The following SNAPC3 variants were observed in gnomAD, a reference collection of about 807,000 sequenced individuals.
The protein encoded by SNAPC3 is snRNA-activating protein complex subunit 3.
SNAPC3 carries 56 observed loss-of-function variants against 47.7 expected under a neutral mutation model. The observed-to-expected ratio is 1.18, with a 90% CI of 0.95 to 1.47. The LOEUF (loss-of-function observed/expected upper bound fraction) is 1.47, where lower values mean the gene tolerates loss of function less well. Ranked by LOEUF, SNAPC3 falls within the 40% of genes most tolerant of loss-of-function variation. SNAPC3 has a pLI of 0.00. For synonymous variants in SNAPC3, 235 were observed against 189.9 expected, an observed-to-expected ratio of 1.24 and a Z score of -1.95; for missense variants, 665 against 511.3, an observed-to-expected ratio of 1.30 and a Z score of -2.90.
chr9:15,434,701 C>G (rs1241345288), intron 3 of SNAPC3, among the ~76,000 whole-genome samples: 9 of 152,124 alleles, frequency 5.9e-5, no homozygotes, highest in Non-Finnish European at 1.3e-4. Context: ...CCACAGCACC[C>G]AGCCTATGGC....
At chr9:15,432,935 GA>G (rs1284175381) in intron 2 of SNAPC3, among the ~76,000 whole-genome samples, 4 of 152,144 alleles carry the variant, frequency 2.6e-5, no homozygotes, top group Non-Finnish European at 5.9e-5. Flanking sequence ...CAAGTTCATA[GA>G]AAATAAGGTG....
In SNAPC3 at chr9:15,423,210, G is replaced by T; in HGVS notation, c.314+17G>T. On this transcript the variant is annotated intron_variant, in intron 1 of 8. Coordinates refer to ENST00000380821, the MANE Select transcript of SNAPC3 (RefSeq NM_001039697.2). ...GGTGTGCGGGTGAGTGCGGAGCAAA[G>T]GGGCTCTTGCAGCTTGGGGTCAAAC... 6.4e-7 allele frequency: 1 copy of T among 1,564,712 alleles called. No individual in the cohort carries two copies. Among genetic ancestry groups the T allele is most frequent in the Non-Finnish European group, 8.6e-7 (1 of 1,165,666 alleles).
chr9:15,463,210 T>G (rs1296527006), downstream of SNAPC3: 1 of 133,872 alleles, frequency 7.5e-6, no homozygotes, highest in Admixed American at 9.0e-5. Context: ...GGTCATGGTA[T>G]GACTCTTTTT....
At position 15,455,079 on chromosome 9, in the gene SNAPC3, G is replaced by T. The variant is rs775312446; in HGVS notation, c.980+1874G>T. On this transcript the variant is annotated intron_variant, in intron 7 of 8. Transcript: ENST00000380821. ...GTAATTCGTCCTGAATTAAATATCT[G>T]TTTAACCAAAATTATGGTAGTTCTG... Among the ~76,000 whole-genome samples the T allele has an allele frequency of 2.6e-5, 4 of 152,194 alleles. No homozygotes were observed. The East Asian group carries it at 7.7e-4, about 29-fold the overall frequency.
chr9:15,458,280 G>A (rs1276096204), intron 8 of SNAPC3, among the ~76,000 whole-genome samples: 2 of 152,054 alleles, frequency 1.3e-5, no homozygotes, highest in African/African-American at 4.8e-5. Context: ...TCCAGGGATA[G>A]GTCAAATTTC....
At chr9:15,441,972 A>G (rs1483422306) in intron 3 of SNAPC3, among the ~76,000 whole-genome samples, 3 of 151,846 alleles carry the variant, frequency 2.0e-5, no homozygotes, top group East Asian at 2.0e-4. Flanking sequence ...AGGGGCGGCC[A>G]GGCAGAGGCG....
intron 7 of SNAPC3, 73 bp downstream of exon 7, chr9:15,453,278 T>C: frequency 1.6e-6 from 2 of 1,247,516 alleles, no homozygotes; most frequent in South Asian, 3.1e-5. Context: ...CAGAGATAGT[T>C]TTTTTAAAAA....
rs2034922410 is a variant in SNAPC3 at position 15,457,959 on chromosome 9, G to A, written c.981-1G>A. On this transcript the variant is annotated splice_acceptor_variant, in intron 7 of 8. Transcript: ENST00000380821. LOFTEE classifies it high-confidence loss of function. ...TATCTTTATTTTCCCACGAACAAAAGGCTTGTGCATCATGATGACTGCTTG... is the reference window on the plus strand; with the variant it reads ...TATCTTTATTTTCCCACGAACAAAAAGCTTGTGCATCATGATGACTGCTTG... 1 of 1,561,050 alleles carries A rather than the reference G, an allele frequency of 6.4e-7. No individual in the cohort carries two copies. Among genetic ancestry groups the A allele is most frequent in the Non-Finnish European group, 8.7e-7 (1 of 1,151,966 alleles).
rs1346599395 is a variant in SNAPC3 at position 15,453,047 on chromosome 9, CATT to C, written c.823_825del (p.Ile275del). 4.3e-6 allele frequency: 7 copies of C among 1,611,962 alleles called. No individual in the cohort carries two copies. Among genetic ancestry groups the C allele is most frequent in the Admixed American group, 1.7e-5 (1 of 59,722 alleles). On this transcript the variant is annotated inframe_deletion, in exon 7 of 9. Coordinates refer to ENST00000380821, the MANE Select transcript of SNAPC3 (RefSeq NM_001039697.2). ...TTGCCTTTTCCCCCCTCAGAACTAT[CATT>C]GAGTGGTCAGAGTCCCATGATAGAG...
downstream of SNAPC3, chr9:15,463,519 G>C (rs2096053324): frequency 7.6e-6 from 1 of 131,254 alleles, no homozygotes; most frequent in Non-Finnish European, 1.7e-5. Flanking sequence ...GGGGTGGGGT[G>C]GGGTGGGGGT....
intron 3 of SNAPC3, among the ~76,000 whole-genome samples, chr9:15,437,586 A>G (rs912245885): frequency 1.4e-4 from 21 of 149,698 alleles, no homozygotes; most frequent in African/African-American, 3.9e-4. Flanking sequence ...GATTTTGTCA[A>G]ATGCTTTTCT....
At chr9:15,425,251 C>T (rs1681175508) in intron 2 of SNAPC3, among the ~76,000 whole-genome samples, 1 of 152,178 alleles carries the variant, frequency 6.6e-6, no homozygotes, top group Admixed American at 6.5e-5. Flanking sequence ...TGCAGTCTCA[C>T]TCTGTTGCCC....
At chr9:15,457,092 T>G (rs2034854089) in intron 7 of SNAPC3, among the ~76,000 whole-genome samples, 2 of 152,152 alleles carry the variant, frequency 1.3e-5, no homozygotes, top group African/African-American at 4.8e-5. Flanking sequence ...TGACTTCCAT[T>G]TCTTTTTTAA....
intron 2 of SNAPC3, among the ~76,000 whole-genome samples, chr9:15,432,950 T>G (rs1309194750): frequency 6.6e-6 from 1 of 152,206 alleles, no homozygotes; most frequent in East Asian, 1.9e-4. Context: ...TAAGGTGTCT[T>G]TCTGGTGCAG....
rs1436494146 is a variant in SNAPC3, at chr9:15,453,128, G to C, written c.903G>C (p.Leu301Phe). The C allele has an allele frequency of 4.3e-6, 7 of 1,612,810 alleles. No homozygotes were observed. Among genetic ancestry groups the C allele is most frequent in the Non-Finnish European group, 5.9e-6 (7 of 1,178,862 alleles). Reference protein sequence around the residue: ...ARMEDFTFNDLCIKLGFPYLY... With the variant: ...ARMEDFTFNDFCIKLGFPYLY... Reference sequence around the variant, plus strand: ...TGGAAGATTTCACCTTCAATGACTTGTGTATTAAACTGGGTTTTCCTTACT... The same window carrying C: ...TGGAAGATTTCACCTTCAATGACTTCTGTATTAAACTGGGTTTTCCTTACT... Residue 301 changes from leucine to phenylalanine, a missense_variant, in exon 7 of 9, where the codon TTG becomes TTC. By Grantham distance (22) the Leu-to-Phe change is conservative (BLOSUM62 0). Coordinates refer to ENST00000380821, the MANE Select transcript of SNAPC3 (RefSeq NM_001039697.2).
intron 3 of SNAPC3, among the ~76,000 whole-genome samples, chr9:15,435,534 C>T (rs1261579934): frequency 6.6e-6 from 1 of 151,880 alleles, no homozygotes; most frequent in East Asian, 1.9e-4. Flanking sequence ...TATCATGCCA[C>T]TGCACTCCAG....
chr9:15,465,628 A>C, downstream of SNAPC3: 1 of 1,439,672 alleles, frequency 6.9e-7, no homozygotes, highest in Non-Finnish European at 9.6e-7. Flanking sequence ...TTTTCTCCTG[A>C]TGAAGGAAAA....
chr9:15,431,827 T>A (rs537858725), intron 2 of SNAPC3: 1 of 149,650 alleles, frequency 6.7e-6, no homozygotes. Flanking sequence ...GGATGTGTAA[T>A]ATAACACCAC....
chr9:15,460,133 G>C lies in SNAPC3; in HGVS notation c.*267G>C. 4.1e-6 allele frequency: 1 copy of C among 244,088 alleles called. No individual in the cohort carries two copies. The highest frequency in any genetic ancestry group is 7.7e-6 in the Non-Finnish European group (1 of 129,448). The allele number at this position is 244,088 out of a possible 1,614,324, so 15.1% of individuals were successfully genotyped here. On this transcript the variant is annotated 3_prime_UTR_variant, in exon 9 of 9. Transcript: ENST00000380821. ...TGAGTTGTAGTACTTTATATATTCT[G>C]ACTTTAAATCCTTTGTCAGACACAC...
Sources: allele counts gnomAD v4.1 joint callset (sites outside exome capture counted in the v4.1 genomes callset), GRCh38; gene constraint gnomAD v4.1.1; transcripts MANE v1.5; gene names NCBI Gene and HGNC (gene_info 2026-07-23, HGNC 2026-07-21).